The following KIAA0319L variants were observed in gnomAD, a reference collection of about 807,000 sequenced individuals.
The protein encoded by KIAA0319L is KIAA0319 like.
KIAA0319L carries 55 observed loss-of-function variants against 120.1 expected under a neutral mutation model. That is an observed-to-expected ratio of 0.46 (90% CI 0.37 to 0.57). The LOEUF (loss-of-function observed/expected upper bound fraction) is 0.57, where lower values mean the gene tolerates loss of function less well. Ranked by LOEUF, KIAA0319L falls within the 20% of genes least tolerant of loss-of-function variation. The pLI, the probability that KIAA0319L is intolerant of heterozygous loss-of-function variation, is 0.00. For synonymous variants in KIAA0319L, 398 were observed against 471.9 expected, an observed-to-expected ratio of 0.84 and a Z score of 2.03; for missense variants, 1,049 against 1,255.3, an observed-to-expected ratio of 0.84 and a Z score of 2.48.
chr1:35,509,143 G>C (rs554533163), intron 2 of KIAA0319L, among the ~76,000 whole-genome samples: 68 of 152,140 alleles, frequency 4.5e-4, no homozygotes, highest in African/African-American at 1.4e-3. Context: ...AAGCATAACA[G>C]GGCAGTTGCT....
chr1:35,443,037 G>C lies in KIAA0319L; in HGVS notation c.2657-9C>G. Reference sequence around the variant, plus strand: ...ACAGTTCAGCTGACATGCTGAGAGTGGCAGCAAAGGGAAGAAAGTCAACAA... The same window carrying C: ...ACAGTTCAGCTGACATGCTGAGAGTCGCAGCAAAGGGAAGAAAGTCAACAA... On this transcript the variant is annotated splice_polypyrimidine_tract_variant and intron_variant, in intron 17 of 20. Transcript: ENST00000325722. 2 of 1,614,120 alleles carry C rather than the reference G, an allele frequency of 1.2e-6. No homozygotes were observed. The highest frequency in any genetic ancestry group is 1.1e-5 in the South Asian group (1 of 91,070).
At chr1:35,552,899 C>CT (rs1350669264) in intron 2 of KIAA0319L, among the ~76,000 whole-genome samples, 1 of 152,130 alleles carries the variant, frequency 6.6e-6, no homozygotes, top group East Asian at 1.9e-4. Flanking sequence ...TGGCAAAACT[C>CT]TACCTCTACT....
chr1:35,553,410 A>G (rs1007484110), intron 2 of KIAA0319L, among the ~76,000 whole-genome samples: 1 of 152,108 alleles, frequency 6.6e-6, no homozygotes, highest in African/African-American at 2.4e-5. Flanking sequence ...TTCCACTGCT[A>G]TAATTATGCA....
At chr1:35,480,427 T>C (rs191756813) in intron 3 of KIAA0319L, among the ~76,000 whole-genome samples, 2 of 152,336 alleles carry the variant, frequency 1.3e-5, no homozygotes, top group East Asian at 3.9e-4. Context: ...AGAAGAGTAC[T>C]GCTTTCATCC....
rs1640665121 is a variant in KIAA0319L at position 35,434,952 on chromosome 1, G to A, written c.3092C>T (p.Ser1031Phe). Residue 1031 changes from serine (S) to phenylalanine (F), a missense_variant, in exon 21 of 21, where the codon TCT becomes TTT. Physicochemically the swap from Ser to Phe is radical, Grantham distance 155. Transcript: ENST00000325722. ...KGKLLHGQNG[S>F]VPNGQTPLKA... ...CAGAGGGGTCTGCCCGTTGGGTACA[G>A]AGCCATTCTGACCATGCAGGAGTTT... 6.2e-7 allele frequency: 1 copy of A among 1,613,944 alleles called. No homozygotes were observed. Among genetic ancestry groups the A allele is most frequent in the African/African-American group, 1.3e-5 (1 of 74,926 alleles).
intron 20 of KIAA0319L, chr1:35,438,715 G>C (rs1157729854): frequency 6.6e-6 from 1 of 151,678 alleles, no homozygotes; most frequent in Non-Finnish European, 1.5e-5. Flanking sequence ...ACCAAGACCG[G>C]GTGCCATGGC....
chr1:35,510,362 G>T (rs1031742331), intron 2 of KIAA0319L: 1 of 144,638 alleles, frequency 6.9e-6, no homozygotes, highest in African/African-American at 2.5e-5. Context: ...AAAGCTTTCA[G>T]AAAAAAACAG....
At chr1:35,516,783 C>A (rs1324348618) in intron 2 of KIAA0319L, among the ~76,000 whole-genome samples, 4 of 152,148 alleles carry the variant, frequency 2.6e-5, no homozygotes, top group African/African-American at 9.7e-5. Flanking sequence ...TTGCATTCAA[C>A]ATGATTCTAT....
intron 3 of KIAA0319L, among the ~76,000 whole-genome samples, chr1:35,495,602 T>TATATGTAAGAAAATAAC (rs1644770931): frequency 6.6e-6 from 1 of 152,110 alleles, no homozygotes; most frequent in Non-Finnish European, 1.5e-5. Context: ...GCAGAAAATA[T>TATATGTAAGAAAATAAC]ATATGTAAGA....
chr1:35,538,654 G>A (rs1054801030), intron 2 of KIAA0319L, among the ~76,000 whole-genome samples: 1 of 148,798 alleles, frequency 6.7e-6, no homozygotes, highest in East Asian at 2.0e-4. Flanking sequence ...CTGAATGTGA[G>A]ATAACACATA....
chr1:35,488,404 C>A (rs1382294880), intron 3 of KIAA0319L, among the ~76,000 whole-genome samples: 1 of 152,034 alleles, frequency 6.6e-6, no homozygotes, highest in Non-Finnish European at 1.5e-5. Flanking sequence ...ATGTTTCTAG[C>A]CTGAGTGAGG....
In KIAA0319L at chr1:35,506,179, T is replaced by C. The variant is rs938882482; in HGVS notation, c.666+433A>G. On this transcript the variant is annotated intron_variant, in intron 3 of 20. Coordinates refer to ENST00000325722, the MANE Select transcript of KIAA0319L (RefSeq NM_024874.5). The surrounding 1 kb of genome is among the most constrained non-coding windows in gnomAD (Gnocchi z 4.0). ...AGATCTTAATCTGTAGTACCAAGCA[T>C]GGTTAATTCTGACTGGAATAGAAAC... 6.6e-5 allele frequency among the ~76,000 whole-genome samples: 10 copies of C among 152,218 alleles called. No individual in the cohort carries two copies. Among genetic ancestry groups the C allele is most frequent in the African/African-American group, 2.4e-4 (10 of 41,462 alleles).
intron 2 of KIAA0319L, among the ~76,000 whole-genome samples, chr1:35,523,591 C>T (rs922237922): frequency 9.2e-5 from 14 of 151,992 alleles, no homozygotes; most frequent in African/African-American, 3.1e-4. Context: ...TGGTAAATGA[C>T]GGTTGGTAGA....
chr1:35,526,431 G>GTGTA (rs1646149936), intron 2 of KIAA0319L, among the ~76,000 whole-genome samples: 1 of 125,584 alleles, frequency 8.0e-6, no homozygotes, highest in African/African-American at 2.8e-5. Flanking sequence ...ATATATATAT[G>GTGTA]TATATATATA....
rs192568791 is a variant in KIAA0319L at position 35,488,916 on chromosome 1, C to T, written c.667-9704G>A. Among the ~76,000 whole-genome samples the T allele has an allele frequency of 1.8e-4, 28 of 152,236 alleles. No homozygotes were observed. In the East Asian group the frequency reaches 5.0e-3, roughly 27 times the overall value. On this transcript the variant is annotated intron_variant, in intron 3 of 20. Coordinates refer to ENST00000325722, the MANE Select transcript of KIAA0319L (RefSeq NM_024874.5). ...TAGATGTAAGTGAATAAAGAAGAGA[C>T]AGCAAGTGCAGACTACCTTTGATAT... is the stretch of plus-strand genomic sequence containing the variant.
intron 3 of KIAA0319L, among the ~76,000 whole-genome samples, chr1:35,496,947 C>CAAAAA (rs754043280): frequency 6.0e-5 from 3 of 50,210 alleles, no homozygotes; most frequent in African/African-American, 8.4e-5. Context: ...ATTGTGTCTC[C>CAAAAA]AAAAAAAAAA....
At chr1:35,489,174 G>A (rs1644498607) in intron 3 of KIAA0319L, among the ~76,000 whole-genome samples, 1 of 152,010 alleles carries the variant, frequency 6.6e-6, no homozygotes, top group African/African-American at 2.4e-5. Context: ...GGAAGACTAA[G>A]TAGTAGTTAG....
intron 20 of KIAA0319L, chr1:35,439,411 C>T (rs916854831): frequency 1.3e-5 from 2 of 152,186 alleles, no homozygotes; most frequent in African/African-American, 2.4e-5. Flanking sequence ...GAAGTCTGTC[C>T]GTTTGATTCA....
rs374790287 is a variant in KIAA0319L at position 35,554,757 on chromosome 1, CTTTT to C, written c.-28-242_-28-239del. On this transcript the variant is annotated intron_variant, in intron 1 of 20. Transcript: ENST00000325722. ...CACTGAAAACTGAAACTTTATATTC[CTTTT>C]TTTTTTTTTAATCTAACAGTAAATC... 2.1e-4 allele frequency: 46 copies of C among 223,258 alleles called. No homozygotes were observed. The Admixed American group carries it at 2.3e-3, about 11-fold the overall frequency. 13.8% of individuals were successfully genotyped at this position (223,258 alleles called of 1,614,324 possible).
Sources: gnomAD v4.1 joint callset for allele counts (sites outside exome capture counted in the v4.1 genomes callset) on GRCh38, gnomAD v4.1.1 for gene constraint, Gnocchi (gnomAD v3.1) non-coding constraint, MANE v1.5 for transcripts, NCBI Gene and HGNC (gene_info 2026-07-23, HGNC 2026-07-21) for gene names.